Variants in R3HDM1 observed in about 807,000 individuals in gnomAD.
R3HDM1 encodes R3H domain containing 1.
In R3HDM1, 46 loss-of-function variants were observed where a neutral mutation model predicts 141.1. The ratio of observed to expected loss-of-function variants is 0.33; its 90% CI spans 0.26 to 0.42. The LOEUF (loss-of-function observed/expected upper bound fraction) is 0.42, where lower values mean the gene tolerates loss of function less well. Among genes scored for constraint, R3HDM1 ranks in the 10% least tolerant of loss-of-function variants. The pLI is 1.00. For synonymous variants in R3HDM1, 435 were observed against 472.9 expected (o/e 0.92, Z 1.04); for missense variants, 1,184 against 1,368.3 (o/e 0.87, Z 2.12).
At chr2:135,672,113 G>A (rs558740080) in intron 19 of R3HDM1, among the ~76,000 whole-genome samples, 1 of 152,310 alleles carries the variant, frequency 6.6e-6, no homozygotes, top group Admixed American at 6.5e-5. Context: ...TAGATTCTTA[G>A]CGAAGGCATT....
intron 19 of R3HDM1, among the ~76,000 whole-genome samples, chr2:135,671,527 G>C (rs1368626425): frequency 6.6e-6 from 1 of 151,706 alleles, no homozygotes; most frequent in Non-Finnish European, 1.5e-5. Flanking sequence ...GCGCCACCAC[G>C]CCTGGCTAAT....
chr2:135,680,192 C>T lies in R3HDM1; in HGVS notation c.2327C>T (p.Ser776Phe). The change falls in exon 21 of 27, where the codon TCT becomes TTT. Residue 776 changes from serine to phenylalanine, a missense_variant. Physicochemically the swap from Ser to Phe is radical, Grantham distance 155. This residue lies in a region of R3HDM1 where 563 missense variants were observed against 562.0 expected (regional missense o/e 1.00). Coordinates refer to ENST00000683871, the MANE Select transcript of R3HDM1 (RefSeq NM_001378107.1). ...PTYQVSLPQG[S>F]QGIPHQTYQQ... ...TTTTAGGTTTCACTGCCTCAAGGTTCTCAAGGAATTCCCCATCAGACTTAT... is the reference window on the plus strand; with the variant it reads ...TTTTAGGTTTCACTGCCTCAAGGTTTTCAAGGAATTCCCCATCAGACTTAT... 3 of 1,613,830 alleles carry T rather than the reference C, an allele frequency of 1.9e-6. No homozygotes were observed. The highest frequency in any genetic ancestry group is 2.5e-6 in the Non-Finnish European group (3 of 1,179,844).
At chr2:135,545,880 G>A (rs6725006) in intron 1 of R3HDM1, among the ~76,000 whole-genome samples, 10,370 of 152,256 alleles carry the variant, frequency 0.068, 726 homozygotes, top group African/African-American at 0.18. Flanking sequence ...TAGACAGACT[G>A]ATAAATCTTA....
intron 1 of R3HDM1, among the ~76,000 whole-genome samples, chr2:135,573,787 C>G (rs996848627): frequency 6.6e-6 from 1 of 152,022 alleles, no homozygotes; most frequent in African/African-American, 2.4e-5. Context: ...CTGTTCCCCC[C>G]ACAACAAAAC....
chr2:135,673,189 C>T (rs887828695), intron 19 of R3HDM1, among the ~76,000 whole-genome samples: 2 of 152,256 alleles, frequency 1.3e-5, no homozygotes, highest in South Asian at 4.1e-4. Flanking sequence ...GGTGCACACC[C>T]GTAGTCCTAG....
rs544765479 is a variant in R3HDM1, at chr2:135,532,124, TCCCCCGGCCGC to T, written c.-250+495_-250+505del. 3.8e-4 allele frequency among the ~76,000 whole-genome samples: 58 copies of T among 152,226 alleles called. 1 individual carries two copies. In the South Asian group the frequency reaches 5.8e-3, roughly 15 times the overall value. On this transcript the variant is annotated intron_variant, in intron 1 of 26. Transcript: ENST00000683871. The stretch of plus-strand genomic sequence containing the variant: ...TGTGGCTGGCGCCGGTGCCCCGGGC[TCCCCCGGCCGC>T]CCCACGGCCGCATCCCCTGGCCTTG...
At position 135,602,548 on chromosome 2, in the gene R3HDM1, C is replaced by G. The variant is rs536504895; in HGVS notation, c.-201C>G. On this transcript the variant is annotated 5_prime_UTR_variant, in exon 2 of 27. Coordinates refer to ENST00000683871, the MANE Select transcript of R3HDM1 (RefSeq NM_001378107.1). ...TGATCCAAGACAGTCCATTCCAGTC[C>G]GGGAATCTACAGTGGTGACAAGGAC... The G allele has an allele frequency of 6.8e-7, 1 of 1,470,094 alleles. No individual in the cohort carries two copies. The highest frequency in any genetic ancestry group is 9.0e-7 in the Non-Finnish European group (1 of 1,111,932). The allele number at this position is 1,470,094 out of a possible 1,614,324, so 91.1% of individuals were successfully genotyped here.
At chr2:135,679,493 AG>A (rs2105351818) in intron 20 of R3HDM1, among the ~76,000 whole-genome samples, 1 of 152,294 alleles carries the variant, frequency 6.6e-6, no homozygotes, top group East Asian at 1.9e-4. Context: ...TAAGCTCCAA[AG>A]CTCTCACTTT....
intron 17 of R3HDM1, chr2:135,650,726 T>C (rs1358826350): frequency 2.0e-6 from 2 of 980,780 alleles, no homozygotes; most frequent in African/African-American, 3.5e-5. Context: ...AAAAACCATA[T>C]ATTTTCAATC....
At chr2:135,616,620 G>T in intron 4 of R3HDM1, 48 bp from the exon 5 acceptor site, 1 of 1,439,728 alleles carries the variant, frequency 6.9e-7, no homozygotes, top group Admixed American at 1.9e-5. Flanking sequence ...TTTTGGATAT[G>T]CCCTAGATTT....
intron 1 of R3HDM1, among the ~76,000 whole-genome samples, chr2:135,576,521 C>T (rs1454943751): frequency 6.6e-6 from 1 of 152,112 alleles, no homozygotes; most frequent in Non-Finnish European, 1.5e-5. Flanking sequence ...AGATACACAT[C>T]TTGTACCATG....
At position 135,664,031 on chromosome 2, in the gene R3HDM1, C is replaced by CAA. The variant is rs11382173; in HGVS notation, c.2152+2655_2152+2656dup. Among the ~76,000 whole-genome samples the CAA allele has an allele frequency of 5.3e-3, 545 of 103,502 alleles. 3 individuals carry two copies. Among genetic ancestry groups the CAA allele is most frequent in the African/African-American group, 0.013 (414 of 31,408 alleles). 67.9% of individuals were successfully genotyped at this position (103,502 alleles called of 152,430 possible). A position where few individuals can be genotyped will look rare whatever the true frequency, so the allele number is the denominator to read the frequency against. On this transcript the variant is annotated intron_variant, in intron 19 of 26. Transcript: ENST00000683871. ...CCTGGGCAACAGAGTGAGACTGTCTCAAAAAAAAAAAAAAAAAACTTAACA... is the reference window on the plus strand; with the variant it reads ...CCTGGGCAACAGAGTGAGACTGTCTCAAAAAAAAAAAAAAAAAAAACTTAACA...
chr2:135,723,552 G>A (rs2076902340), intron 26 of R3HDM1, among the ~76,000 whole-genome samples: 1 of 151,190 alleles, frequency 6.6e-6, no homozygotes, highest in Non-Finnish European at 1.5e-5. Flanking sequence ...CAGGTGGATT[G>A]CCTGAACTCA....
intron 9 of R3HDM1, among the ~76,000 whole-genome samples, chr2:135,634,286 AG>A (rs770716178): frequency 1.8e-4 from 28 of 152,140 alleles, no homozygotes; most frequent in Non-Finnish European, 3.5e-4. Context: ...ATAATTTGAC[AG>A]GAGGCTTTTA....
At chr2:135,570,788 A>G (rs534693027) in intron 1 of R3HDM1, among the ~76,000 whole-genome samples, 11 of 152,198 alleles carry the variant, frequency 7.2e-5, no homozygotes, top group Non-Finnish European at 1.3e-4. Flanking sequence ...CAAATGTACA[A>G]TTTTATTGTT....
rs751196692 is a variant in R3HDM1, at chr2:135,636,096, A to G, written c.816A>G (p.Ile272Met). Residue 272 changes from isoleucine to methionine, a missense_variant, in exon 11 of 27, where the codon ATA (isoleucine) becomes ATG (methionine). By Grantham distance (10) the Ile-to-Met change is conservative. This residue lies in a region of R3HDM1 where 240 missense variants were observed against 312.3 expected (regional missense o/e 0.77). Coordinates refer to ENST00000683871, the MANE Select transcript of R3HDM1 (RefSeq NM_001378107.1). ...TATCCTCTTTTCTGTAGATGAGAATACGTTTGAAAGATGACAGAAGAAGCA... is the reference window on the plus strand; with the variant it reads ...TATCCTCTTTTCTGTAGATGAGAATGCGTTTGAAAGATGACAGAAGAAGCA... Reference protein sequence around the residue: ...SFDKDDNQMRIRLKDDRRSKS... With the variant: ...SFDKDDNQMRMRLKDDRRSKS... 4 of 1,612,924 alleles carry G rather than the reference A, an allele frequency of 2.5e-6. No homozygotes were observed. Among genetic ancestry groups the G allele is most frequent in the Non-Finnish European group, 3.4e-6 (4 of 1,179,480 alleles).
chr2:135,710,353 G>C (rs573750106), intron 23 of R3HDM1, 122 bp downstream of exon 23: 2 of 1,023,416 alleles, frequency 2.0e-6, no homozygotes, highest in East Asian at 2.7e-5. Flanking sequence ...GGCCAGGCGC[G>C]GTGGCTCTCC....
chr2:135,660,471 A>G (rs564909503), intron 18 of R3HDM1, among the ~76,000 whole-genome samples: 7 of 152,278 alleles, frequency 4.6e-5, no homozygotes, highest in African/African-American at 1.7e-4. Flanking sequence ...GAGTACTGAC[A>G]TGACATGATG....
intron 19 of R3HDM1, among the ~76,000 whole-genome samples, chr2:135,673,407 T>C (rs139034998): frequency 1.8e-4 from 27 of 152,360 alleles, no homozygotes; most frequent in African/African-American, 6.5e-4. Context: ...TTTCCATTCC[T>C]GTGTTATTTT....
Sources: gnomAD v4.1 joint callset for allele counts (sites outside exome capture counted in the v4.1 genomes callset) on GRCh38, gnomAD v4.1.1 for gene constraint, gnomAD v4.1.1 regional missense constraint, MANE v1.5 for transcripts, NCBI Gene and HGNC (gene_info 2026-07-23, HGNC 2026-07-21) for gene names.